Variants in PTPRT observed in about 807,000 individuals in gnomAD.
PTPRT encodes the protein protein tyrosine phosphatase receptor type T, also known as receptor-type tyrosine-protein phosphatase T.
In PTPRT, 56 loss-of-function variants were observed where a neutral mutation model predicts 176.8. The observed-to-expected ratio is 0.32, with a 90% confidence interval of 0.26 to 0.40. The LOEUF is 0.40. Ranked by LOEUF, PTPRT falls within the 10% of genes least tolerant of loss-of-function variation. PTPRT has a pLI of 1.00. For missense variants in PTPRT, 1,540 were observed against 1,908.2 expected, an observed-to-expected ratio of 0.81 and a Z score of 3.60; for synonymous variants, 783 against 739.0, an observed-to-expected ratio of 1.06 and a Z score of -0.96.
In PTPRT at chr20:42,841,216, A is replaced by C. The variant is rs549622584; in HGVS notation, c.214+44591T>G. On this transcript the variant is annotated intron_variant, in intron 2 of 30. Coordinates refer to ENST00000373187, the MANE Select transcript of PTPRT (RefSeq NM_007050.6). ...CTCCGACATTCCACTCACCAGGAAC[A>C]AGGCCCACTAATGAGTCAAAGCTCC... is the stretch of plus-strand genomic sequence containing the variant. Among the ~76,000 whole-genome samples, 3 of 152,292 alleles carry C rather than the reference A, an allele frequency of 2.0e-5. No individual in the cohort carries two copies. In the East Asian group the frequency reaches 5.8e-4, roughly 29 times the overall value.
At position 42,854,079 on chromosome 20, in the gene PTPRT, C is replaced by T. The variant is rs568128143; in HGVS notation, c.214+31728G>A. Among the ~76,000 whole-genome samples the T allele has an allele frequency of 2.8e-4, 42 of 152,312 alleles. No homozygotes were observed. In the South Asian group the frequency reaches 7.0e-3, roughly 26 times the overall value. On this transcript the variant is annotated intron_variant, in intron 2 of 30. Transcript: ENST00000373187. ...ACTGGGGAGACCTGCAGTACCATTA[C>T]GGCTCACAATACCTCGTCACAACAT... is the stretch of plus-strand genomic sequence containing the variant.
rs769174639 is a variant in PTPRT, at chr20:42,104,721, G to A, written c.3391-3C>T. The A allele has an allele frequency of 1.3e-6, 2 of 1,570,740 alleles. No homozygotes were observed. Among genetic ancestry groups the A allele is most frequent in the African/African-American group, 2.7e-5 (2 of 74,054 alleles). On this transcript the variant is annotated splice_region_variant and splice_polypyrimidine_tract_variant and intron_variant, in intron 24 of 30. Coordinates refer to ENST00000373187, the MANE Select transcript of PTPRT (RefSeq NM_007050.6). ...TCGTGCACAAACACATATTGCTCCT[G>A]CAAAGTCAGAAGAGAGGGAATGGGG...
rs188645021 is a variant in PTPRT, at chr20:43,094,321, C to T, written c.88+95325G>A. ...CAGGATGGTCTCCATCTCTTGACCT[C>T]GTGATCCACCCATCTCAGCCTCCCG... On this transcript the variant is annotated intron_variant, in intron 1 of 30. Transcript: ENST00000373187. 3.4e-3 allele frequency among the ~76,000 whole-genome samples: 516 copies of T among 149,836 alleles called. 4 individuals carry two copies. Among genetic ancestry groups the T allele is most frequent in the African/African-American group, 0.012 (487 of 40,820 alleles).
intron 7 of PTPRT, among the ~76,000 whole-genome samples, chr20:42,664,845 G>C (rs569453698): frequency 1.6e-3 from 245 of 152,264 alleles, no homozygotes; most frequent in Non-Finnish European, 2.7e-3. Flanking sequence ...AAGAAATGGG[G>C]AAATGACTCC....
At chr20:43,059,199 A>T (rs556239049) in intron 1 of PTPRT, among the ~76,000 whole-genome samples, 28 of 152,308 alleles carry the variant, frequency 1.8e-4, no homozygotes, top group African/African-American at 6.3e-4. Context: ...TAATCTCCTT[A>T]TCAAACAGTT....
chr20:42,804,104 T>C (rs1322060888), intron 2 of PTPRT, among the ~76,000 whole-genome samples: 2 of 152,146 alleles, frequency 1.3e-5, no homozygotes, highest in Admixed American at 1.3e-4. Flanking sequence ...CACTAGGATA[T>C]GTCCATCAAC....
chr20:43,135,372 T>G (rs982456192), intron 1 of PTPRT, among the ~76,000 whole-genome samples: 4 of 152,110 alleles, frequency 2.6e-5, no homozygotes, highest in Non-Finnish European at 5.9e-5. Context: ...TTCATGATAG[T>G]ATGTGGGGAA....
intron 1 of PTPRT, among the ~76,000 whole-genome samples, chr20:43,089,874 T>C (rs999366544): frequency 6.6e-6 from 1 of 152,174 alleles, no homozygotes; most frequent in Non-Finnish European, 1.5e-5. Flanking sequence ...CTTAACAATC[T>C]TCCAAGAAGG....
rs146713853 is a variant in PTPRT, at chr20:42,857,347, A to C, written c.214+28460T>G. 4.1e-3 allele frequency among the ~76,000 whole-genome samples: 632 copies of C among 152,300 alleles called. 6 individuals are homozygous for C. The highest frequency in any genetic ancestry group is 0.014 in the African/African-American group (590 of 41,572). On this transcript the variant is annotated intron_variant, in intron 2 of 30. Transcript: ENST00000373187. Reference sequence around the variant, plus strand: ...GACAGTGTGAAGTACTGTAATGAGTAAGTCCTAGCTCTGCTCCTTAGAGCT... The same window carrying C: ...GACAGTGTGAAGTACTGTAATGAGTCAGTCCTAGCTCTGCTCCTTAGAGCT...
At chr20:43,084,752 T>C (rs1028174694) in intron 1 of PTPRT, among the ~76,000 whole-genome samples, 15 of 152,140 alleles carry the variant, frequency 9.9e-5, no homozygotes, top group African/African-American at 3.6e-4. Context: ...GATAAGTATA[T>C]GAAATTTATG....
At chr20:42,732,034 A>C (rs2076469222) in intron 6 of PTPRT, among the ~76,000 whole-genome samples, 1 of 152,236 alleles carries the variant, frequency 6.6e-6, no homozygotes, top group Non-Finnish European at 1.5e-5. Context: ...ACAAAGTCTC[A>C]ATCACAATTT....
At chr20:42,569,081 AATAT>A (rs71335569) in intron 7 of PTPRT, among the ~76,000 whole-genome samples, 2,689 of 30,740 alleles carry the variant, frequency 0.087, 171 homozygotes, top group East Asian at 0.15. Context: ...AAAAAAAAAA[AATAT>A]ATATATATAT....
intron 6 of PTPRT, among the ~76,000 whole-genome samples, chr20:42,740,411 G>T (rs1280954223): frequency 6.6e-6 from 1 of 152,092 alleles, no homozygotes; most frequent in East Asian, 1.9e-4. Flanking sequence ...CACTGCCAGG[G>T]TCCAGGCTGA....
the PTPRT span, among the ~76,000 whole-genome samples, chr20:42,054,518 G>C: frequency 1.3e-5 from 2 of 152,210 alleles, no homozygotes; most frequent in Admixed American, 6.5e-5. Context: ...CTGGTTAACT[G>C]TCTTTGAATT....
At chr20:42,964,392 T>C (rs879072048) in intron 1 of PTPRT, among the ~76,000 whole-genome samples, 2 of 152,100 alleles carry the variant, frequency 1.3e-5, no homozygotes, top group Admixed American at 6.5e-5. Context: ...AGACAAGTCA[T>C]TGAACAATAC....
intron 6 of PTPRT, among the ~76,000 whole-genome samples, chr20:42,721,592 G>A (rs1375404702): frequency 1.3e-5 from 2 of 152,232 alleles, no homozygotes; most frequent in Non-Finnish European, 2.9e-5. Context: ...CAGGTTAGGG[G>A]AAGAGGGTCA....
Position 42,161,503 on chromosome 20 carries a change from G to C in PTPRT, c.2531C>G (p.Thr844Arg), listed in dbSNP as rs368317330. ...GGTGCGGTAGGGATGAGTCTGGATCGTGAGGGTGGGCTGGGAAAGCTCCCC... is the reference window on the plus strand; with the variant it reads ...GGTGCGGTAGGGATGAGTCTGGATCCTGAGGGTGGGCTGGGAAAGCTCCCC... ...SRGELSQPTL[T>R]IQTHPYRTCD... The change falls in exon 17 of 31, where the codon ACG (threonine) becomes AGG (arginine). Residue 844 changes from threonine to arginine, a missense_variant. Coordinates refer to ENST00000373187, the MANE Select transcript of PTPRT (RefSeq NM_007050.6). The C allele has an allele frequency of 1.9e-6, 3 of 1,613,064 alleles. No homozygotes were observed. Among genetic ancestry groups the C allele is most frequent in the Admixed American group, 3.3e-5 (2 of 59,928 alleles).
intron 9 of PTPRT, among the ~76,000 whole-genome samples, chr20:42,446,770 G>GC (rs2070740894): frequency 6.6e-6 from 1 of 152,078 alleles, no homozygotes; most frequent in African/African-American, 2.4e-5. Flanking sequence ...ATGAGTACCT[G>GC]CCCTCCTCTC....
intron 1 of PTPRT, among the ~76,000 whole-genome samples, chr20:43,112,649 C>T (rs1374066050): frequency 6.6e-6 from 1 of 152,180 alleles, no homozygotes; most frequent in East Asian, 1.9e-4. Context: ...CAAGGAAGTT[C>T]CTCTGGTTTG....
Sources: allele counts gnomAD v4.1 joint callset (sites outside exome capture counted in the v4.1 genomes callset), GRCh38; gene constraint gnomAD v4.1.1; transcripts MANE v1.5; gene names NCBI Gene and HGNC (gene_info 2026-07-23, HGNC 2026-07-21).